The following ATG7 variants were observed in gnomAD, a reference collection of about 807,000 sequenced individuals.
ATG7 encodes the protein ubiquitin-like modifier-activating enzyme ATG7.
A neutral mutation model predicts 82.4 loss-of-function variants in ATG7; 70 were observed. That is an observed-to-expected ratio of 0.85 (90% CI 0.70 to 1.04). The LOEUF is 1.04. Among genes scored for constraint, ATG7 ranks in the 50% least tolerant of loss-of-function variants. The pLI is 0.00. For missense variants in ATG7, 792 were observed against 864.3 expected, an observed-to-expected ratio of 0.92 and a Z score of 1.05; for synonymous variants, 287 against 313.0, an observed-to-expected ratio of 0.92 and a Z score of 0.88.
At chr3:11,498,730 T>G (rs1251268837) in intron 20 of ATG7, among the ~76,000 whole-genome samples, 1 of 152,228 alleles carries the variant, frequency 6.6e-6, no homozygotes, top group Admixed American at 6.5e-5. Flanking sequence ...CTAATTGCTC[T>G]TTCTCCTTTC....
At chr3:11,393,809 T>C (rs2079006416) in intron 19 of ATG7, among the ~76,000 whole-genome samples, 1 of 152,154 alleles carries the variant, frequency 6.6e-6, no homozygotes, top group Non-Finnish European at 1.5e-5. Context: ...CCCTCGCAAG[T>C]AGCTGGGAAT....
chr3:11,329,610 G>C (rs1025637234), intron 9 of ATG7, among the ~76,000 whole-genome samples: 2 of 152,088 alleles, frequency 1.3e-5, no homozygotes, highest in Non-Finnish European at 2.9e-5. Flanking sequence ...GATACTTTCT[G>C]CTCTCCATAT....
At chr3:11,480,799 G>C (rs1466645059) in intron 20 of ATG7, among the ~76,000 whole-genome samples, 1 of 152,186 alleles carries the variant, frequency 6.6e-6, no homozygotes, top group Non-Finnish European at 1.5e-5. Context: ...GGGAGAGCGA[G>C]GAGGGCCTAT....
chr3:11,352,846 A>G (rs1399841966), intron 14 of ATG7, among the ~76,000 whole-genome samples: 1 of 152,228 alleles, frequency 6.6e-6, no homozygotes, highest in Non-Finnish European at 1.5e-5. Context: ...GAAGGAATTG[A>G]TCAGAAGAGG....
At chr3:11,558,798 C>G, downstream of ATG7, 1 of 1,613,622 alleles carries the variant, frequency 6.2e-7, no homozygotes, top group Non-Finnish European at 8.5e-7. Context: ...CGGAAATGCT[C>G]CTCCACCACG....
intron 20 of ATG7, among the ~76,000 whole-genome samples, chr3:11,442,676 G>A (rs1270867837): frequency 7.2e-6 from 1 of 138,574 alleles, no homozygotes; most frequent in African/African-American, 2.6e-5. Flanking sequence ...TCTGAGGTGG[G>A]AGGATTGTGT....
intron 20 of ATG7, among the ~76,000 whole-genome samples, chr3:11,458,313 G>T (rs1203688648): frequency 6.6e-6 from 1 of 152,020 alleles, no homozygotes; most frequent in Non-Finnish European, 1.5e-5. Flanking sequence ...GCCCAGGATG[G>T]AGTGCAGCGG....
At chr3:11,506,554 CAAAAAAAAAAAAA>C (rs754696496) in intron 20 of ATG7, among the ~76,000 whole-genome samples, 52 of 24,976 alleles carry the variant, frequency 2.1e-3, no homozygotes, top group African/African-American at 8.4e-3. Context: ...CCCATCTCTA[CAAAAAAAAAAAAA>C]AAAAAAAAAA....
chr3:11,363,064 A>G, intron 17 of ATG7, 136 bp downstream of exon 17: 1 of 753,646 alleles, frequency 1.3e-6, no homozygotes, highest in African/African-American at 1.8e-5. Flanking sequence ...ACAAGACTAG[A>G]AAAAGCAGGT....
intron 3 of ATG7, among the ~76,000 whole-genome samples, chr3:11,297,967 AG>A (rs1256619545): frequency 1.3e-5 from 2 of 152,178 alleles, no homozygotes; most frequent in African/African-American, 4.8e-5. Context: ...AAGGCCGCAA[AG>A]GTTACTTAGA....
intron 20 of ATG7, among the ~76,000 whole-genome samples, chr3:11,513,458 A>AGC (rs754573631): frequency 7.0e-4 from 106 of 152,234 alleles, no homozygotes; most frequent in Non-Finnish European, 1.3e-3. Flanking sequence ...TGGGGGACCC[A>AGC]GCGCACCCTC....
chr3:11,497,615 A>C (rs935975075), intron 20 of ATG7, among the ~76,000 whole-genome samples: 5 of 148,062 alleles, frequency 3.4e-5, no homozygotes, highest in Non-Finnish European at 7.4e-5. Flanking sequence ...CTTGGATGTT[A>C]TTCTATCTTA....
At chr3:11,383,364 G>T (rs1296267635) in intron 19 of ATG7, among the ~76,000 whole-genome samples, 11 of 152,068 alleles carry the variant, frequency 7.2e-5, no homozygotes, top group Non-Finnish European at 1.5e-5. Context: ...TTCGATTCAG[G>T]TTATGAATTT....
intron 19 of ATG7, among the ~76,000 whole-genome samples, chr3:11,414,737 T>A (rs2081222657): frequency 6.6e-6 from 1 of 152,244 alleles, no homozygotes; most frequent in Admixed American, 6.5e-5. Context: ...AGTTTCCCTC[T>A]GTTCCTAGTT....
intron 20 of ATG7, among the ~76,000 whole-genome samples, chr3:11,520,261 C>T (rs1332492090): frequency 2.0e-5 from 3 of 152,142 alleles, no homozygotes; most frequent in Non-Finnish European, 4.4e-5. Context: ...TGCTCCTCTA[C>T]CATGAGTGGC....
intron 10 of ATG7, 98 bp from the exon 11 acceptor site, chr3:11,332,874 T>A (rs1024070881): frequency 8.1e-7 from 1 of 1,230,228 alleles, no homozygotes; most frequent in African/African-American, 1.6e-5. Context: ...TGCATTGAAT[T>A]CTCTCCAACT....
intron 20 of ATG7, among the ~76,000 whole-genome samples, chr3:11,453,794 C>G (rs879760466): frequency 3.9e-5 from 6 of 152,076 alleles, no homozygotes; most frequent in Non-Finnish European, 8.8e-5. Context: ...TGAGCAAACC[C>G]TCAGTGATGG....
intron 19 of ATG7, among the ~76,000 whole-genome samples, chr3:11,424,002 G>C (rs1261764288): frequency 6.6e-6 from 1 of 152,138 alleles, no homozygotes; most frequent in Non-Finnish European, 1.5e-5. Context: ...CTGGGCCTCA[G>C]GGTCACCACT....
intron 19 of ATG7, among the ~76,000 whole-genome samples, chr3:11,411,765 G>T (rs1048296333): frequency 2.0e-5 from 3 of 151,200 alleles, no homozygotes; most frequent in South Asian, 2.1e-4. Context: ...CTGTGCCTTT[G>T]ATGTCATATT....
Sources: gnomAD v4.1 joint callset for allele counts (sites outside exome capture counted in the v4.1 genomes callset) on GRCh38, gnomAD v4.1.1 for gene constraint, MANE v1.5 for transcripts, NCBI Gene and HGNC (gene_info 2026-07-23, HGNC 2026-07-21) for gene names.